CELF5: variants seen among roughly 807,000 people sequenced by gnomAD.
CELF5 encodes the protein CUGBP Elav-like family member 5.
CELF5 carries 6 observed loss-of-function variants against 54.9 expected under a neutral mutation model. The observed-to-expected ratio is 0.11, with a 90% CI of 0.06 to 0.22. The LOEUF (loss-of-function observed/expected upper bound fraction) is 0.22. Among genes scored for constraint, CELF5 ranks in the 10% least tolerant of loss-of-function variants. The probability of loss-of-function intolerance (pLI) is 1.00; values close to 1 mark genes in which losing one functional copy is unlikely to be tolerated. For missense variants in CELF5, 401 were observed against 678.6 expected (o/e 0.59, Z 4.54); for synonymous variants, 271 against 290.9 (o/e 0.93, Z 0.70).
chr19:3,261,146 G>A (rs940971930), intron 2 of CELF5, among the ~76,000 whole-genome samples: 1 of 152,122 alleles, frequency 6.6e-6, no homozygotes, highest in Non-Finnish European at 1.5e-5. Flanking sequence ...CAGGTCGGGT[G>A]CAGTGGTTCA....
In CELF5 at chr19:3,265,481, G is replaced by T. The variant is rs1026720265; in HGVS notation, c.343-8391G>T. Among the ~76,000 whole-genome samples the T allele has an allele frequency of 2.6e-5, 4 of 152,302 alleles. No individual in the cohort carries two copies. The East Asian group carries it at 5.8e-4, about 22-fold the overall frequency. Reference sequence around the variant, plus strand: ...CGAGCAGAAGTTCAGAGGCAGTTCTGCAGGTATATTTGTACCCACTTGGTT... The same window carrying T: ...CGAGCAGAAGTTCAGAGGCAGTTCTTCAGGTATATTTGTACCCACTTGGTT... On this transcript the variant is annotated intron_variant, in intron 2 of 12. Coordinates refer to ENST00000292672, the MANE Select transcript of CELF5 (RefSeq NM_021938.4).
chr19:3,230,848 C>T (rs1206911555), intron 1 of CELF5, among the ~76,000 whole-genome samples: 7 of 152,142 alleles, frequency 4.6e-5, no homozygotes, highest in African/African-American at 7.2e-5. Flanking sequence ...ATGTGTGTTC[C>T]GATTACATTG....
chr19:3,234,373 G>A (rs931162107), intron 1 of CELF5, among the ~76,000 whole-genome samples: 8 of 152,188 alleles, frequency 5.3e-5, no homozygotes, highest in African/African-American at 1.4e-4. Context: ...CATTGAGATC[G>A]TAGGTGTGAG....
At chr19:3,226,778 T>G (rs543320130) in intron 1 of CELF5, among the ~76,000 whole-genome samples, 1 of 151,856 alleles carries the variant, frequency 6.6e-6, no homozygotes, top group African/African-American at 2.4e-5. Flanking sequence ...TTTTTTTTTT[T>G]TTCCTTCTTA....
chr19:3,290,985 G>A (rs1221471693), intron 11 of CELF5, among the ~76,000 whole-genome samples: 4 of 151,908 alleles, frequency 2.6e-5, no homozygotes, highest in Non-Finnish European at 5.9e-5. Context: ...AATTAGCTGA[G>A]CTTAGTGGCG....
intron 2 of CELF5, among the ~76,000 whole-genome samples, chr19:3,270,866 C>G (rs2079950791): frequency 6.6e-6 from 1 of 151,810 alleles, no homozygotes; most frequent in Admixed American, 6.6e-5. Flanking sequence ...GCGGAAGGTC[C>G]CAGGCTCTGT....
At chr19:3,264,880 AT>A (rs2079859945) in intron 2 of CELF5, among the ~76,000 whole-genome samples, 1 of 151,390 alleles carries the variant, frequency 6.6e-6, no homozygotes, top group Non-Finnish European at 1.5e-5. Context: ...CACCCAGCTA[AT>A]TTTTTGTATT....
chr19:3,258,564 C>A (rs1173288106), intron 2 of CELF5, among the ~76,000 whole-genome samples: 1 of 152,116 alleles, frequency 6.6e-6, no homozygotes, highest in Non-Finnish European at 1.5e-5. Flanking sequence ...AAGGGCATAT[C>A]CACAGATCCC....
At chr19:3,237,698 T>G (rs900193029) in intron 1 of CELF5, among the ~76,000 whole-genome samples, 1 of 152,230 alleles carries the variant, frequency 6.6e-6, no homozygotes, top group African/African-American at 2.4e-5. Flanking sequence ...AGGGTCTTTA[T>G]GACCTGTATC....
intron 10 of CELF5, among the ~76,000 whole-genome samples, chr19:3,287,529 A>T (rs1320683069): frequency 2.0e-5 from 3 of 151,042 alleles, no homozygotes; most frequent in African/African-American, 7.3e-5. Flanking sequence ...ACTGCACTTC[A>T]GCCTGGGCAA....
chr19:3,286,830 C>G (rs1242091635), intron 10 of CELF5: 1 of 150,212 alleles, frequency 6.7e-6, no homozygotes, highest in Non-Finnish European at 1.5e-5. Context: ...GTCAGGAGAT[C>G]GAGACCATCC....
intron 2 of CELF5, among the ~76,000 whole-genome samples, chr19:3,259,773 G>A (rs1326790377): frequency 4.0e-5 from 6 of 151,512 alleles, no homozygotes; most frequent in Non-Finnish European, 5.9e-5. Context: ...CGGTTGTCAC[G>A]ACGTGGGGGT....
rs1175347380 is a variant in CELF5, at chr19:3,284,886, C to T, written c.1040-16C>T. The T allele has an allele frequency of 1.2e-6, 2 of 1,612,854 alleles. No individual in the cohort carries two copies. Among genetic ancestry groups the T allele is most frequent in the South Asian group, 1.1e-5 (1 of 90,928 alleles). On this transcript the variant is annotated splice_polypyrimidine_tract_variant and intron_variant, in intron 8 of 12. Transcript: ENST00000292672. Reference sequence around the variant, plus strand: ...CTGCTGCTCCCGCCCCACTCAGCCCCTCTGTCTGCCCGCAGCTCAGAGCCC... The same window carrying T: ...CTGCTGCTCCCGCCCCACTCAGCCCTTCTGTCTGCCCGCAGCTCAGAGCCC...
intron 1 of CELF5, among the ~76,000 whole-genome samples, chr19:3,239,447 G>C (rs968842483): frequency 5.9e-5 from 9 of 151,840 alleles, no homozygotes; most frequent in African/African-American, 2.2e-4. Context: ...TGTTGCCCAG[G>C]CTCGTCTCAA....
chr19:3,257,374 G>A (rs1339729252), intron 2 of CELF5, among the ~76,000 whole-genome samples: 2 of 152,170 alleles, frequency 1.3e-5, no homozygotes, highest in African/African-American at 4.8e-5. Flanking sequence ...CCGCCACAGT[G>A]AGCAGCTTGA....
At chr19:3,290,453 G>A (rs900330852) in intron 11 of CELF5, 79 bp downstream of exon 11, 39 of 1,531,000 alleles carry the variant, frequency 2.5e-5, no homozygotes, top group Non-Finnish European at 3.2e-5. Context: ...GGTTTTGGTC[G>A]GCCTCGGGAC....
intron 1 of CELF5, among the ~76,000 whole-genome samples, chr19:3,250,663 A>C (rs2145060503): frequency 6.6e-6 from 1 of 151,474 alleles, no homozygotes; most frequent in East Asian, 1.9e-4. Flanking sequence ...GCACCTCCCC[A>C]TTTTACTTTC....
intron 2 of CELF5, among the ~76,000 whole-genome samples, chr19:3,259,028 G>A (rs190006499): frequency 4.6e-5 from 7 of 152,180 alleles, no homozygotes; most frequent in African/African-American, 9.7e-5. Flanking sequence ...GGCAGCCTGC[G>A]TGGACGATTT....
In CELF5 at chr19:3,281,185, C is replaced by T. The variant is rs1414049223; in HGVS notation, c.604-14C>T. ...CCAGCCCGTTTCCCTCCCTGCTCGC[C>T]GCTGCCCCTGCAGGGAGCCTCCTCC... On this transcript the variant is annotated splice_polypyrimidine_tract_variant and intron_variant, in intron 5 of 12. Coordinates refer to ENST00000292672, the MANE Select transcript of CELF5 (RefSeq NM_021938.4). The surrounding 1 kb of genome is among the most constrained non-coding windows in gnomAD (Gnocchi z 6.5). 27 of 1,599,446 alleles carry T rather than the reference C, an allele frequency of 1.7e-5. No homozygotes were observed. Among genetic ancestry groups the T allele is most frequent in the East Asian group, 2.2e-5 (1 of 44,668 alleles).
Sources: allele counts gnomAD v4.1 joint callset (sites outside exome capture counted in the v4.1 genomes callset), GRCh38; gene constraint gnomAD v4.1.1; non-coding constraint Gnocchi (gnomAD v3.1); transcripts MANE v1.5; gene names NCBI Gene and HGNC (gene_info 2026-07-23, HGNC 2026-07-21).